Variants in PCDH15 observed in about 807,000 individuals in gnomAD.
PCDH15 encodes protocadherin-15.
Under a neutral mutation model 178.5 loss-of-function variants are expected in PCDH15, and 129 were observed. The ratio of observed to expected loss-of-function variants is 0.72; its 90% CI spans 0.63 to 0.84. The LOEUF is 0.84. Among genes scored for constraint, PCDH15 ranks in the 40% least tolerant of loss-of-function variants. The pLI is 0.00. For missense variants in PCDH15, 2,230 were observed against 2,099.9 expected, an observed-to-expected ratio of 1.06 and a Z score of -1.21; for synonymous variants, 800 against 732.0, an observed-to-expected ratio of 1.09 and a Z score of -1.50.
At chr10:54,328,023 T>C (rs1472135520) in intron 7 of PCDH15, among the ~76,000 whole-genome samples, 3 of 152,008 alleles carry the variant, frequency 2.0e-5, no homozygotes, top group Non-Finnish European at 4.4e-5. Flanking sequence ...ACCGTTGGTG[T>C]TGTACATTCT....
chr10:55,454,796 A>AG (rs1180053731), intron 2 of PCDH15, among the ~76,000 whole-genome samples: 5 of 151,650 alleles, frequency 3.3e-5, no homozygotes, highest in Non-Finnish European at 7.4e-5. Context: ...AAAAAAAAAA[A>AG]AAAAATTTAG....
At chr10:55,213,361 C>T (rs999970622) in intron 1 of PCDH15, among the ~76,000 whole-genome samples, 2 of 151,996 alleles carry the variant, frequency 1.3e-5, no homozygotes, top group African/African-American at 4.8e-5. Context: ...ATGGAAGAAG[C>T]TTTTCCTTGA....
At chr10:53,831,098 A>C in intron 30 of PCDH15, 1 of 755,128 alleles carries the variant, frequency 1.3e-6, no homozygotes, top group Non-Finnish European at 2.4e-6. Context: ...CCGAATTAGA[A>C]TCACAGGAAT....
At chr10:54,919,065 C>A (rs796100795) in intron 2 of PCDH15, among the ~76,000 whole-genome samples, 1 of 151,972 alleles carries the variant, frequency 6.6e-6, no homozygotes, top group Non-Finnish European at 1.5e-5. Flanking sequence ...TTCTCACCAT[C>A]GTAAAGTAAA....
chr10:54,835,216 T>C (rs1306885265), intron 3 of PCDH15, among the ~76,000 whole-genome samples: 2 of 152,170 alleles, frequency 1.3e-5, no homozygotes, highest in Non-Finnish European at 2.9e-5. Flanking sequence ...GGAGAAGGAA[T>C]AGAAGCATAT....
At chr10:54,124,655 CATT>C (rs1347998095) in intron 15 of PCDH15, among the ~76,000 whole-genome samples, 1 of 152,260 alleles carries the variant, frequency 6.6e-6, no homozygotes, top group East Asian at 1.9e-4. Flanking sequence ...ATACACGTGA[CATT>C]ATAAATTTTA....
intron 23 of PCDH15, among the ~76,000 whole-genome samples, chr10:53,949,382 T>C (rs939136272): frequency 2.6e-5 from 4 of 152,268 alleles, no homozygotes; most frequent in Admixed American, 6.5e-5. Flanking sequence ...TCTCTGCATA[T>C]GCATTTGTTT....
chr10:54,943,324 T>C (rs186321747), intron 2 of PCDH15, among the ~76,000 whole-genome samples: 1 of 152,120 alleles, frequency 6.6e-6, no homozygotes, highest in East Asian at 1.9e-4. Context: ...TCTAACATTC[T>C]CTTCTGCTGT....
chr10:55,443,944 C>A (rs917794131), intron 2 of PCDH15, among the ~76,000 whole-genome samples: 1 of 152,110 alleles, frequency 6.6e-6, no homozygotes, highest in African/African-American at 2.4e-5. Context: ...CCATGGAATA[C>A]TATGCAGCCA....
At chr10:55,452,079 G>T (rs546583608) in intron 2 of PCDH15, among the ~76,000 whole-genome samples, 1 of 152,138 alleles carries the variant, frequency 6.6e-6, no homozygotes, top group African/African-American at 2.4e-5. Context: ...AGATATTTTT[G>T]TCTTTCCATT....
chr10:55,065,705 T>C (rs1470046911), intron 2 of PCDH15, among the ~76,000 whole-genome samples: 1 of 152,056 alleles, frequency 6.6e-6, no homozygotes, highest in African/African-American at 2.4e-5. Context: ...AGTGGATTCT[T>C]AGTATACTGT....
chr10:55,052,537 C>CAAAAAAAAAAAAAA lies in PCDH15; in HGVS notation c.-80+114025_-80+114038dup, dbSNP rs71014444. On this transcript the variant is annotated intron_variant, in intron 2 of 5. Coordinates refer to the PCDH15 transcript ENST00000458638. The stretch of plus-strand genomic sequence containing the variant: ...AACATGGCGAAAACCCCGTCTCATA[C>CAAAAAAAAAAAAAA]AAAAAAAAAAAAAAAAAAAAAAAAA... Among the ~76,000 whole-genome samples the CAAAAAAAAAAAAAA allele has an allele frequency of 2.0e-4, 8 of 39,358 alleles. 3 individuals are homozygous for CAAAAAAAAAAAAAA. Among genetic ancestry groups the CAAAAAAAAAAAAAA allele is most frequent in the African/African-American group, 7.0e-4 (8 of 11,398 alleles). 25.8% of individuals were successfully genotyped at this position (39,358 alleles called of 152,430 possible).
At chr10:54,779,436 GTATA>G (rs780742891) in intron 1 of PCDH15, among the ~76,000 whole-genome samples, 2 of 82,282 alleles carry the variant, frequency 2.4e-5, no homozygotes, top group East Asian at 3.1e-4. Context: ...ACACATATGT[GTATA>G]TATATATACA....
In PCDH15 at chr10:55,066,243, T is replaced by C. The variant is rs972101461; in HGVS notation, c.-80+100333A>G. Among the ~76,000 whole-genome samples, 3 of 151,640 alleles carry C rather than the reference T, an allele frequency of 2.0e-5. No homozygotes were observed. The South Asian group carries it at 6.2e-4, about 31-fold the overall frequency. ...ACCAGGATAAATGTGTGTGATTTTA[T>C]TTTAATTTTTAATAAAAGAATCAAT... On this transcript the variant is annotated intron_variant, in intron 2 of 5. Coordinates refer to the PCDH15 transcript ENST00000458638.
At chr10:54,516,976 G>T (rs999479562) in intron 3 of PCDH15, among the ~76,000 whole-genome samples, 14 of 151,840 alleles carry the variant, frequency 9.2e-5, no homozygotes, top group African/African-American at 2.9e-4. Flanking sequence ...CATAAGTGAA[G>T]GAGAAATAAA....
intron 6 of PCDH15, among the ~76,000 whole-genome samples, chr10:54,344,678 G>A (rs931852873): frequency 6.6e-6 from 1 of 151,812 alleles, no homozygotes; most frequent in African/African-American, 2.4e-5. Context: ...AATACCTAAA[G>A]AGCAAACAAA....
At chr10:55,563,259 T>C (rs1027322001) in intron 2 of PCDH15, among the ~76,000 whole-genome samples, 14 of 151,878 alleles carry the variant, frequency 9.2e-5, no homozygotes, top group African/African-American at 3.4e-4. Context: ...CCAGGAGATT[T>C]AAAAGGCTGT....
At chr10:54,778,736 G>A (rs554048173) in intron 1 of PCDH15, among the ~76,000 whole-genome samples, 1 of 152,128 alleles carries the variant, frequency 6.6e-6, no homozygotes, top group South Asian at 2.1e-4. Context: ...CTCTTGACTG[G>A]TCGTATTGAA....
At chr10:54,221,153 T>G (rs2052763683) in intron 9 of PCDH15, among the ~76,000 whole-genome samples, 1 of 152,148 alleles carries the variant, frequency 6.6e-6, no homozygotes, top group Non-Finnish European at 1.5e-5. Flanking sequence ...ATGTTTATTA[T>G]CACAATTATA....
Sources: gnomAD v4.1 joint callset for allele counts (sites outside exome capture counted in the v4.1 genomes callset) on GRCh38, gnomAD v4.1.1 for gene constraint, MANE v1.5 for transcripts, NCBI Gene and HGNC (gene_info 2026-07-23, HGNC 2026-07-21) for gene names.